PDE4D: variants seen among roughly 807,000 people sequenced by gnomAD.
The protein encoded by PDE4D is phosphodiesterase 4D, also known as 3',5'-cyclic-AMP phosphodiesterase 4D.
PDE4D carries 24 observed loss-of-function variants against 87.4 expected under a neutral mutation model. That is an observed-to-expected ratio of 0.27 (90% CI 0.20 to 0.39). The LOEUF (loss-of-function observed/expected upper bound fraction) is 0.39, where lower values mean the gene tolerates loss of function less well. Among genes scored for constraint, PDE4D ranks in the 10% least tolerant of loss-of-function variants. The pLI is 1.00. For missense variants in PDE4D, 714 were observed against 1,041.0 expected (o/e 0.69, Z 4.32); for synonymous variants, 384 against 383.2 (o/e 1.00, Z -0.02).
chr5:59,058,802 T>G (rs1762714705), intron 5 of PDE4D, among the ~76,000 whole-genome samples: 1 of 152,118 alleles, frequency 6.6e-6, no homozygotes, highest in Admixed American at 6.6e-5. Context: ...TCCGTAAGTT[T>G]AAGTCTTCCT....
At chr5:59,942,355 T>C (rs1038017768) in intron 3 of PDE4D, among the ~76,000 whole-genome samples, 1 of 152,162 alleles carries the variant, frequency 6.6e-6, no homozygotes, top group Admixed American at 6.5e-5. Context: ...ACTCTGGGCA[T>C]TGGCCAAGAG....
At chr5:59,053,650 T>TTTTG (rs1761907315) in intron 5 of PDE4D, among the ~76,000 whole-genome samples, 1 of 111,068 alleles carries the variant, frequency 9.0e-6, no homozygotes, top group Non-Finnish European at 1.8e-5. Flanking sequence ...TTTTTGTTTT[T>TTTTG]TTTTGTTGTT....
intron 5 of PDE4D, among the ~76,000 whole-genome samples, chr5:59,046,488 T>A (rs10514871): frequency 6.6e-6 from 1 of 150,884 alleles, no homozygotes; most frequent in African/African-American, 2.4e-5. Context: ...AAAGGGTAAC[T>A]CCAATTTGTA....
intron 1 of PDE4D, among the ~76,000 whole-genome samples, chr5:59,457,162 A>G (rs73760362): frequency 0.036 from 5,538 of 152,272 alleles, 351 homozygotes; most frequent in African/African-American, 0.13. Context: ...ATGAAGAGAA[A>G]AGTCAATAAA....
rs985675499 is a variant in PDE4D, at chr5:59,741,455, T to C, written c.455+151713A>G. Among the ~76,000 whole-genome samples, 4 of 152,326 alleles carry C rather than the reference T, an allele frequency of 2.6e-5. 1 individual carries two copies. Among genetic ancestry groups the C allele is most frequent in the South Asian group, 4.1e-4 (2 of 4,834 alleles). ...TCTAAAGGGTGTGTCTAATAACAAG[T>C]GCTCTCAATATGACCATAATTGTAC... On this transcript the variant is annotated intron_variant, in intron 1 of 14. Transcript: ENST00000340635.
intron 2 of PDE4D, among the ~76,000 whole-genome samples, chr5:60,004,998 C>T (rs1764338313): frequency 1.3e-5 from 2 of 152,130 alleles, no homozygotes. Flanking sequence ...GAGATGTCTG[C>T]ACTGTCGTCT....
chr5:59,320,302 T>G (rs1356167403), intron 1 of PDE4D, among the ~76,000 whole-genome samples: 1 of 152,082 alleles, frequency 6.6e-6, no homozygotes, highest in Non-Finnish European at 1.5e-5. Flanking sequence ...GTGCCTAACT[T>G]AGAATAGTGC....
At chr5:59,023,974 T>A (rs1367897239) in intron 6 of PDE4D, among the ~76,000 whole-genome samples, 1 of 148,268 alleles carries the variant, frequency 6.7e-6, no homozygotes, top group Non-Finnish European at 1.5e-5. Context: ...GCCATCTCCA[T>A]TCACTGCAAC....
At chr5:60,152,259 T>C (rs1053183884) in intron 2 of PDE4D, among the ~76,000 whole-genome samples, 1 of 152,202 alleles carries the variant, frequency 6.6e-6, no homozygotes, top group African/African-American at 2.4e-5. Context: ...CAAGGTAACA[T>C]TGGCCTTAAA....
chr5:59,174,736 C>T (rs1011762168), intron 5 of PDE4D, among the ~76,000 whole-genome samples: 1 of 152,104 alleles, frequency 6.6e-6, no homozygotes, highest in Admixed American at 6.6e-5. Context: ...ATAAAGGCCA[C>T]CCGAATCTAA....
intron 5 of PDE4D, among the ~76,000 whole-genome samples, chr5:59,126,019 C>G (rs932124888): frequency 2.0e-5 from 3 of 150,600 alleles, no homozygotes; most frequent in Non-Finnish European, 4.4e-5. Context: ...GGCTCTGATC[C>G]TGTGATATAC....
At chr5:59,253,057 A>G (rs1221912531) in intron 1 of PDE4D, among the ~76,000 whole-genome samples, 1 of 152,146 alleles carries the variant, frequency 6.6e-6, no homozygotes, top group African/African-American at 2.4e-5. Flanking sequence ...ATTATACATA[A>G]AAATGTCAAA....
intron 1 of PDE4D, among the ~76,000 whole-genome samples, chr5:59,762,116 G>GTA (rs1762044253): frequency 2.0e-5 from 3 of 151,888 alleles, no homozygotes; most frequent in South Asian, 2.1e-4. Flanking sequence ...ATATATGTGT[G>GTA]TATATATATG....
At chr5:59,727,919 G>A (rs1465347995) in intron 1 of PDE4D, among the ~76,000 whole-genome samples, 1 of 152,084 alleles carries the variant, frequency 6.6e-6, no homozygotes, top group Non-Finnish European at 1.5e-5. Flanking sequence ...ACAGCAACTT[G>A]AAAGACTACT....
At chr5:59,256,647 G>T (rs1022929235) in intron 1 of PDE4D, among the ~76,000 whole-genome samples, 1 of 151,966 alleles carries the variant, frequency 6.6e-6, no homozygotes, top group Non-Finnish European at 1.5e-5. Context: ...GGAACGTAGG[G>T]CTATGTTTGG....
chr5:59,413,619 C>T (rs1793097250), intron 1 of PDE4D, among the ~76,000 whole-genome samples: 1 of 152,146 alleles, frequency 6.6e-6, no homozygotes, highest in African/African-American at 2.4e-5. Context: ...TAAAGATTGA[C>T]AGATGGTTAG....
At chr5:59,624,835 CA>C (rs1338105439) in intron 1 of PDE4D, among the ~76,000 whole-genome samples, 1 of 152,130 alleles carries the variant, frequency 6.6e-6, no homozygotes, top group Non-Finnish European at 1.5e-5. Flanking sequence ...AACATGTGAC[CA>C]AGCTTTTTGG....
chr5:59,829,144 T>TACAC (rs71606607), intron 1 of PDE4D, among the ~76,000 whole-genome samples: 8,643 of 150,548 alleles, frequency 0.057, 602 homozygotes, highest in African/African-American at 0.16. Context: ...TATACTTATC[T>TACAC]ACACACACAC....
At chr5:60,354,573 T>A (rs1213471249) in intron 1 of PDE4D, among the ~76,000 whole-genome samples, 2 of 152,148 alleles carry the variant, frequency 1.3e-5, no homozygotes, top group Non-Finnish European at 2.9e-5. Flanking sequence ...TATGCCCACA[T>A]AAGGCAAACA....
Sources: gnomAD v4.1 joint callset for allele counts (sites outside exome capture counted in the v4.1 genomes callset) on GRCh38, gnomAD v4.1.1 for gene constraint, MANE v1.5 for transcripts, NCBI Gene and HGNC (gene_info 2026-07-23, HGNC 2026-07-21) for gene names.